The following GRIN2A variants were observed in gnomAD, a reference collection of about 807,000 sequenced individuals.
GRIN2A encodes glutamate receptor ionotropic, NMDA 2A.
GRIN2A carries 22 observed loss-of-function variants against 113.4 expected under a neutral mutation model. The observed-to-expected ratio is 0.19, with a 90% CI of 0.14 to 0.28. GRIN2A has a LOEUF of 0.28. Among genes scored for constraint, GRIN2A ranks in the 10% least tolerant of loss-of-function variants. The pLI is 1.00. For missense variants in GRIN2A, 1,502 were observed against 1,887.0 expected, an observed-to-expected ratio of 0.80 and a Z score of 3.78; for synonymous variants, 827 against 738.4, an observed-to-expected ratio of 1.12 and a Z score of -1.94.
intron 7 of GRIN2A, among the ~76,000 whole-genome samples, chr16:9,838,954 G>A (rs2141336950): frequency 6.6e-6 from 1 of 152,224 alleles, no homozygotes; most frequent in African/African-American, 2.4e-5. Context: ...TACCTACAAT[G>A]TACACTATTT....
chr16:10,111,827 C>T (rs979413682), intron 2 of GRIN2A: 2 of 1,245,182 alleles, frequency 1.6e-6, no homozygotes, highest in Admixed American at 3.5e-5. Context: ...GAGATGGGCA[C>T]CATGGGGAGC....
chr16:10,096,143 G>T (rs1333709405), intron 2 of GRIN2A, among the ~76,000 whole-genome samples: 3 of 152,160 alleles, frequency 2.0e-5, no homozygotes, highest in Non-Finnish European at 4.4e-5. Flanking sequence ...TTCACTGGGG[G>T]TTTAGGGCCC....
intron 2 of GRIN2A, among the ~76,000 whole-genome samples, chr16:9,973,417 G>A (rs1436026848): frequency 2.0e-5 from 3 of 152,188 alleles, no homozygotes; most frequent in Admixed American, 2.0e-4. Context: ...ACTTAAGTCA[G>A]ATCTCTTTCA....
At chr16:10,050,303 C>T (rs140324337) in intron 2 of GRIN2A, among the ~76,000 whole-genome samples, 89 of 152,280 alleles carry the variant, frequency 5.8e-4, no homozygotes, top group African/African-American at 2.1e-3. Context: ...AAGCCACGGA[C>T]CAGTACCAGT....
At chr16:10,107,616 A>G (rs1567303954) in intron 2 of GRIN2A, among the ~76,000 whole-genome samples, 1 of 152,120 alleles carries the variant, frequency 6.6e-6, no homozygotes, top group Non-Finnish European at 1.5e-5. Flanking sequence ...AAGAAAACTG[A>G]TATTCTGCTG....
chr16:9,909,871 G>A (rs1281854349), intron 3 of GRIN2A, among the ~76,000 whole-genome samples: 1 of 152,178 alleles, frequency 6.6e-6, no homozygotes, highest in Non-Finnish European at 1.5e-5. Flanking sequence ...TTAGGTCAAT[G>A]TAGGTAAAAA....
chr16:10,025,884 G>T (rs2046810443), intron 2 of GRIN2A, among the ~76,000 whole-genome samples: 1 of 152,152 alleles, frequency 6.6e-6, no homozygotes, highest in African/African-American at 2.4e-5. Context: ...ATGACCTTAT[G>T]TATCCGAGGC....
chr16:9,881,807 G>A (rs925302980), intron 4 of GRIN2A, among the ~76,000 whole-genome samples: 3 of 152,138 alleles, frequency 2.0e-5, no homozygotes, highest in African/African-American at 7.2e-5. Flanking sequence ...AAAGAGAGTT[G>A]TAATATGTTT....
intron 2 of GRIN2A, among the ~76,000 whole-genome samples, chr16:10,062,633 G>C (rs1445303571): frequency 6.6e-6 from 1 of 152,178 alleles, no homozygotes; most frequent in East Asian, 1.9e-4. Context: ...GGGAGGCCGA[G>C]GTGGGTGTAT....
In GRIN2A at chr16:10,162,461, T is replaced by C. The variant is rs927826650; in HGVS notation, c.414+17537A>G. Among the ~76,000 whole-genome samples the C allele has an allele frequency of 2.6e-5, 4 of 152,242 alleles. No individual in the cohort carries two copies. In the East Asian group the frequency reaches 7.7e-4, roughly 29 times the overall value. On this transcript the variant is annotated intron_variant, in intron 2 of 12. Coordinates refer to ENST00000330684, the MANE Select transcript of GRIN2A (RefSeq NM_001134407.3). The stretch of plus-strand genomic sequence containing the variant: ...TGGTTTAAACAACAGAAATGTAATT[T>C]GTTCACAGTTCTCAAAGCTAGAAGT...
chr16:9,965,727 A>C (rs2045544836), intron 2 of GRIN2A, among the ~76,000 whole-genome samples: 1 of 152,202 alleles, frequency 6.6e-6, no homozygotes, highest in African/African-American at 2.4e-5. Flanking sequence ...CCAGGATCAC[A>C]ATCAAGGGTG....
chr16:9,758,964 C>T lies in GRIN2A; in HGVS notation c.*4185G>A, dbSNP rs547387519. ...AAGCAACACATTTAGCTTCCACCTA[C>T]TCAAACTTCTTTTTCTTTGAGTCCA... is the stretch of plus-strand genomic sequence containing the variant. On this transcript the variant is annotated 3_prime_UTR_variant, in exon 13 of 13. Transcript: ENST00000330684. 1.3e-5 allele frequency: 3 copies of T among 222,240 alleles called. No individual in the cohort carries two copies. Among genetic ancestry groups the T allele is most frequent in the Non-Finnish European group, 2.7e-5 (3 of 111,218 alleles). The allele number at this position is 222,240 out of a possible 1,614,324, so 13.8% of individuals were successfully genotyped here. A position where few individuals can be genotyped will look rare whatever the true frequency, so the allele number is the denominator to read the frequency against.
chr16:10,001,591 C>T (rs3859126), intron 2 of GRIN2A, among the ~76,000 whole-genome samples: 27,521 of 152,142 alleles, frequency 0.18, 2,852 homozygotes, highest in East Asian at 0.34. Flanking sequence ...TCCATGCATG[C>T]TCTTGTATCT....
chr16:9,894,118 C>A (rs1266144067), intron 3 of GRIN2A, among the ~76,000 whole-genome samples: 1 of 152,124 alleles, frequency 6.6e-6, no homozygotes, highest in Non-Finnish European at 1.5e-5. Context: ...CAGGAGAAAG[C>A]ATTCTGGGCA....
At chr16:10,019,733 G>A (rs1179041954) in intron 2 of GRIN2A, among the ~76,000 whole-genome samples, 1 of 152,220 alleles carries the variant, frequency 6.6e-6, no homozygotes, top group Non-Finnish European at 1.5e-5. Context: ...ACCGGAGTCA[G>A]AAGGAGTGAT....
chr16:9,889,442 T>C (rs1479441258), intron 4 of GRIN2A, among the ~76,000 whole-genome samples: 3 of 152,174 alleles, frequency 2.0e-5, no homozygotes, highest in Non-Finnish European at 4.4e-5. Flanking sequence ...TTTTTTTCTA[T>C]GGCTTGTGTT....
intron 2 of GRIN2A, among the ~76,000 whole-genome samples, chr16:9,943,825 T>C (rs1262608285): frequency 3.3e-5 from 5 of 152,320 alleles, no homozygotes; most frequent in Non-Finnish European, 1.5e-5. Flanking sequence ...AACCTATGCA[T>C]TGTGCCCCAT....
chr16:9,874,813 C>G (rs557510716), intron 4 of GRIN2A, among the ~76,000 whole-genome samples: 4 of 151,886 alleles, frequency 2.6e-5, no homozygotes, highest in South Asian at 4.2e-4. Flanking sequence ...AGGCTGGGCA[C>G]GGTAGCTCAT....
intron 2 of GRIN2A, among the ~76,000 whole-genome samples, chr16:9,958,634 A>G (rs919382556): frequency 6.6e-6 from 1 of 152,152 alleles, no homozygotes; most frequent in African/African-American, 2.4e-5. Context: ...AAAGTGAACT[A>G]TCAGGAATTA....
Sources: allele counts gnomAD v4.1 joint callset (sites outside exome capture counted in the v4.1 genomes callset), GRCh38; gene constraint gnomAD v4.1.1; transcripts MANE v1.5; gene names NCBI Gene and HGNC (gene_info 2026-07-23, HGNC 2026-07-21).